MAGI2: variants seen among roughly 807,000 people sequenced by gnomAD.
The protein encoded by MAGI2 is membrane-associated guanylate kinase, WW and PDZ domain-containing protein 2.
A neutral mutation model predicts 133.3 loss-of-function variants in MAGI2; 35 were observed. The ratio of observed to expected loss-of-function variants is 0.26; its 90% CI spans 0.20 to 0.35. The LOEUF (loss-of-function observed/expected upper bound fraction) is 0.35, where lower values mean the gene tolerates loss of function less well. Ranked by LOEUF, MAGI2 falls within the 10% of genes least tolerant of loss-of-function variation. The pLI, the probability that MAGI2 is intolerant of heterozygous loss-of-function variation, is 1.00. For missense variants in MAGI2, 1,636 were observed against 1,863.4 expected, an observed-to-expected ratio of 0.88 and a Z score of 2.25; for synonymous variants, 729 against 710.6, an observed-to-expected ratio of 1.03 and a Z score of -0.41.
intron 2 of MAGI2, among the ~76,000 whole-genome samples, chr7:78,746,821 C>T (rs1346561862): frequency 6.6e-6 from 1 of 152,164 alleles, no homozygotes; most frequent in African/African-American, 2.4e-5. Flanking sequence ...TTCCCACCCC[C>T]AATTCTCTCC....
chr7:78,044,707 A>ATGTGTGTG (rs56731310), intron 21 of MAGI2, among the ~76,000 whole-genome samples: 1,462 of 131,176 alleles, frequency 0.011, 23 homozygotes, highest in East Asian at 0.021. Flanking sequence ...GTGTGTGTGC[A>ATGTGTGTG]CGTGTGCACA....
chr7:78,900,458 A>G (rs1357981308), intron 2 of MAGI2, among the ~76,000 whole-genome samples: 4 of 152,006 alleles, frequency 2.6e-5, no homozygotes, highest in African/African-American at 7.2e-5. Context: ...CCCCTTTGCT[A>G]TTCCTTGAAC....
rs576539157 is a variant in MAGI2, at chr7:79,152,546, G to GT, written c.302-145341dup. On this transcript the variant is annotated intron_variant, in intron 1 of 21. Coordinates refer to ENST00000354212, the MANE Select transcript of MAGI2 (RefSeq NM_012301.4). ...TTCATCACTAGCACAAAACACAGAA[G>GT]TTTTTTTTTACTGAGCCAGGCAACA... Among the ~76,000 whole-genome samples the GT allele has an allele frequency of 9.9e-4, 150 of 151,648 alleles. 1 individual carries two copies. The South Asian group carries it at 0.023, about 23-fold the overall frequency.
At chr7:78,652,026 T>C (rs1053723810) in intron 2 of MAGI2, among the ~76,000 whole-genome samples, 13 of 152,124 alleles carry the variant, frequency 8.5e-5, no homozygotes, top group Admixed American at 7.2e-4. Context: ...CTTCTCCATG[T>C]GAAGAAAATT....
chr7:78,366,287 G>T (rs1255142375), intron 7 of MAGI2, among the ~76,000 whole-genome samples: 1 of 152,110 alleles, frequency 6.6e-6, no homozygotes, highest in South Asian at 2.1e-4. Context: ...CTATAATTAT[G>T]AATGGAATCT....
chr7:78,661,539 G>A (rs1812958670), intron 2 of MAGI2, among the ~76,000 whole-genome samples: 1 of 152,112 alleles, frequency 6.6e-6, no homozygotes, highest in South Asian at 2.1e-4. Flanking sequence ...TTCACATCAA[G>A]TCCACTATCA....
rs969234304 is a variant in MAGI2 at position 78,019,856 on chromosome 7, G to C, written c.3827C>G (p.Pro1276Arg). ...TGGGCCTGGGCTTATCTGGTGGGAA[G>C]GGTCGGAGGGTGGGGCTGGATGTGA... ...SPSHPAPPSD[P>R]SHQISPGPTW... Residue 1276 changes from proline to arginine, a missense_variant, in exon 22 of 22, where the codon CCT becomes CGT. By Grantham distance (103) the Pro-to-Arg change is moderately radical. Coordinates refer to ENST00000354212, the MANE Select transcript of MAGI2 (RefSeq NM_012301.4). 5.6e-6 allele frequency: 9 copies of C among 1,613,432 alleles called. No individual in the cohort carries two copies. Among genetic ancestry groups the C allele is most frequent in the Non-Finnish European group, 7.6e-6 (9 of 1,179,906 alleles).
At chr7:79,005,736 G>A (rs910516930) in intron 2 of MAGI2, among the ~76,000 whole-genome samples, 5 of 152,096 alleles carry the variant, frequency 3.3e-5, no homozygotes, top group Admixed American at 1.3e-4. Context: ...CTTTGAAAAT[G>A]CGTCCACCCG....
chr7:79,058,301 C>G (rs1813355343), intron 1 of MAGI2, among the ~76,000 whole-genome samples: 1 of 152,066 alleles, frequency 6.6e-6, no homozygotes, highest in Admixed American at 6.6e-5. Flanking sequence ...TTACTTTAAC[C>G]ATGAATCTTA....
chr7:78,196,098 G>A (rs1299115146), intron 11 of MAGI2, among the ~76,000 whole-genome samples: 1 of 152,110 alleles, frequency 6.6e-6, no homozygotes, highest in East Asian at 1.9e-4. Context: ...TCTCATTCCC[G>A]AGGACCCACC....
intron 16 of MAGI2, among the ~76,000 whole-genome samples, chr7:78,156,724 C>T (rs1451505703): frequency 6.6e-6 from 1 of 151,352 alleles, no homozygotes; most frequent in Non-Finnish European, 1.5e-5. Flanking sequence ...GGCTGTTAAC[C>T]ATGCCCTTTT....
intron 1 of MAGI2, among the ~76,000 whole-genome samples, chr7:79,349,459 T>A (rs1841548778): frequency 6.7e-6 from 1 of 148,374 alleles, no homozygotes; most frequent in Admixed American, 6.6e-5. Flanking sequence ...AAGATTCTTT[T>A]AGTTAATAAT....
At chr7:78,866,290 A>G (rs1794545808) in intron 2 of MAGI2, among the ~76,000 whole-genome samples, 1 of 152,178 alleles carries the variant, frequency 6.6e-6, no homozygotes, top group Non-Finnish European at 1.5e-5. Context: ...AATGGGAAGG[A>G]AGTCCAGATA....
intron 12 of MAGI2, among the ~76,000 whole-genome samples, chr7:78,192,523 C>CT (rs35559367): frequency 0.12 from 17,155 of 139,842 alleles, 1,299 homozygotes; most frequent in Middle Eastern, 0.18. Flanking sequence ...AAAAGGCTGT[C>CT]TTTTTTTTTT....
chr7:79,093,287 A>C (rs1817225497), intron 1 of MAGI2, among the ~76,000 whole-genome samples: 1 of 152,160 alleles, frequency 6.6e-6, no homozygotes. Flanking sequence ...AGAAGCATTC[A>C]AAAAGAAGAC....
At chr7:78,850,079 C>T (rs1215101131) in intron 2 of MAGI2, among the ~76,000 whole-genome samples, 1 of 152,000 alleles carries the variant, frequency 6.6e-6, no homozygotes, top group Non-Finnish European at 1.5e-5. Flanking sequence ...AGATGCTTGT[C>T]CTACATTAAT....
intron 21 of MAGI2, among the ~76,000 whole-genome samples, chr7:78,069,448 T>C (rs551625686): frequency 1.3e-5 from 2 of 151,802 alleles, no homozygotes; most frequent in East Asian, 3.9e-4. Flanking sequence ...GGCTGAATCA[T>C]TTCTCTAAGA....
chr7:79,014,320 T>C (rs1257589942), intron 1 of MAGI2, among the ~76,000 whole-genome samples: 21 of 152,122 alleles, frequency 1.4e-4, no homozygotes, highest in Admixed American at 1.0e-3. Flanking sequence ...TTTCCTTCCA[T>C]TGAGAAGAGA....
intron 1 of MAGI2, among the ~76,000 whole-genome samples, chr7:79,127,055 G>GT (rs1403695968): frequency 6.6e-6 from 1 of 151,612 alleles, no homozygotes; most frequent in Admixed American, 6.6e-5. Flanking sequence ...ATGGTGTTTG[G>GT]TTTTTTGTCC....
Sources: allele counts gnomAD v4.1 joint callset (sites outside exome capture counted in the v4.1 genomes callset), GRCh38; gene constraint gnomAD v4.1.1; transcripts MANE v1.5; gene names NCBI Gene and HGNC (gene_info 2026-07-23, HGNC 2026-07-21).